The following CHLSN variants were observed in gnomAD, a reference collection of about 807,000 sequenced individuals.
CHLSN encodes cholesin.
chr7:1,112,705 T>TAAAAAA, the CHLSN span, among the ~76,000 whole-genome samples: 4 of 99,130 alleles, frequency 4.0e-5, no homozygotes, highest in African/African-American at 3.4e-5. Context: ...TCCAAATGGC[T>TAAAAAA]AAAAAAAAAA....
the CHLSN span, among the ~76,000 whole-genome samples, chr7:1,090,614 G>A: frequency 1.3e-5 from 2 of 151,514 alleles, no homozygotes; most frequent in East Asian, 3.9e-4. Context: ...GAGCCAGGGT[G>A]ACACGGGGTG....
the CHLSN span, chr7:986,660 C>T: frequency 6.2e-7 from 1 of 1,612,728 alleles, no homozygotes; most frequent in South Asian, 1.1e-5. Flanking sequence ...GGCCCTGCTC[C>T]AGCTGCACCG....
the CHLSN span, chr7:1,044,705 A>G: frequency 1.3e-5 from 2 of 152,144 alleles, no homozygotes; most frequent in South Asian, 4.1e-4. Flanking sequence ...GGCACACCCC[A>G]GTCTCCGCCT....
the CHLSN span, chr7:986,758 C>G: frequency 1.0e-5 from 16 of 1,602,922 alleles, no homozygotes; most frequent in Non-Finnish European, 1.4e-5. Flanking sequence ...CGGGGGACCC[C>G]GTGTGCAGCT....
the CHLSN span, chr7:1,082,039 C>T: frequency 1.3e-5 from 2 of 152,326 alleles, no homozygotes; most frequent in Non-Finnish European, 2.9e-5. Context: ...CGCAGGAGCA[C>T]GCACTCCCAC....
chr7:1,011,517 A>C, the CHLSN span, among the ~76,000 whole-genome samples: 229 of 149,308 alleles, frequency 1.5e-3, no homozygotes, highest in Non-Finnish European at 2.4e-3. Context: ...TGACACACCC[A>C]CACCCAGACA....
chr7:1,095,856 C>G, the CHLSN span, among the ~76,000 whole-genome samples: 1 of 152,276 alleles, frequency 6.6e-6, no homozygotes, highest in African/African-American at 2.4e-5. Flanking sequence ...AGAAATCATA[C>G]AGGGCTGGGG....
the CHLSN span, among the ~76,000 whole-genome samples, chr7:1,081,179 A>G: frequency 6.6e-6 from 1 of 152,202 alleles, no homozygotes. Context: ...AGGGCCGGGG[A>G]CGGTGCCGGG....
chr7:987,259 G>A, the CHLSN span: 17 of 1,508,344 alleles, frequency 1.1e-5, no homozygotes, highest in East Asian at 5.0e-5. Context: ...AGACCCCGGC[G>A]CCTGGCGAGA....
At chr7:992,556 G>C in the CHLSN span, among the ~76,000 whole-genome samples, 1 of 152,258 alleles carries the variant, frequency 6.6e-6, no homozygotes, top group African/African-American at 2.4e-5. Context: ...ACACATGTAG[G>C]GGCCTGGGGC....
At chr7:1,016,018 C>A in the CHLSN span, among the ~76,000 whole-genome samples, 1 of 148,206 alleles carries the variant, frequency 6.7e-6, no homozygotes, top group Non-Finnish European at 1.5e-5. Context: ...GGATCCCAGA[C>A]AAAACACGCT....
the CHLSN span, among the ~76,000 whole-genome samples, chr7:1,014,097 C>T: frequency 1.3e-5 from 2 of 152,202 alleles, no homozygotes; most frequent in African/African-American, 4.8e-5. Flanking sequence ...ACGCGGCACT[C>T]GTGCAGTCAA....
chr7:1,116,495 C>T, the CHLSN span, among the ~76,000 whole-genome samples: 1,201 of 91,052 alleles, frequency 0.013, 21 homozygotes, highest in Middle Eastern at 0.043. Flanking sequence ...CTTCCATCAC[C>T]GACGCCCACG....
the CHLSN span, among the ~76,000 whole-genome samples, chr7:1,129,137 G>A: frequency 6.6e-5 from 2 of 30,394 alleles, no homozygotes; most frequent in Admixed American, 2.8e-4. Context: ...GTGCAGTGGC[G>A]CGATCTCAGC....
At chr7:997,700 C>T in the CHLSN span, 1 of 1,611,292 alleles carries the variant, frequency 6.2e-7, no homozygotes, top group Non-Finnish European at 8.5e-7. Flanking sequence ...CCTCCTCATC[C>T]AGCTCCCGCA....
At chr7:1,135,349 ATATAGT>A in the CHLSN span, among the ~76,000 whole-genome samples, 1 of 152,110 alleles carries the variant, frequency 6.6e-6, no homozygotes, top group Non-Finnish European at 1.5e-5. Flanking sequence ...ATGTATATAC[ATATAGT>A]TATATATATA....
chr7:1,113,616 C>T, the CHLSN span, among the ~76,000 whole-genome samples: 11 of 152,336 alleles, frequency 7.2e-5, no homozygotes, highest in Non-Finnish European at 1.2e-4. Context: ...TCACATCTCA[C>T]GCTCCACAGG....
chr7:1,138,035 A>C, the CHLSN span: 2 of 149,744 alleles, frequency 1.3e-5, no homozygotes, highest in Non-Finnish European at 3.0e-5. Flanking sequence ...CCTCCCCAGC[A>C]CCGCGGACCC....
At chr7:1,069,518 C>G in the CHLSN span, among the ~76,000 whole-genome samples, 3 of 140,362 alleles carry the variant, frequency 2.1e-5, no homozygotes, top group South Asian at 2.3e-4. Context: ...CGCCGCCACG[C>G]CTGACTGGTT....
Sources: allele counts gnomAD v4.1 joint callset (sites outside exome capture counted in the v4.1 genomes callset), GRCh38; gene constraint gnomAD v4.1.1; transcripts MANE v1.5; gene names NCBI Gene and HGNC (gene_info 2026-07-23, HGNC 2026-07-21).